Variants in PRMT3 observed in about 807,000 individuals in gnomAD.
PRMT3 encodes the protein protein arginine N-methyltransferase 3.
PRMT3 carries 62 observed loss-of-function variants against 71.9 expected under a neutral mutation model. That is an observed-to-expected ratio of 0.86 (90% CI 0.70 to 1.07). The LOEUF is 1.07. Among genes scored for constraint, PRMT3 ranks in the 50% least tolerant of loss-of-function variants. The pLI is 0.00. For missense variants in PRMT3, 663 were observed against 643.0 expected (o/e 1.03, Z -0.34); for synonymous variants, 213 against 220.4 (o/e 0.97, Z 0.30).
intron 9 of PRMT3, 56 bp downstream of exon 9, chr11:20,408,088 A>G (rs1849113184): frequency 7.7e-7 from 1 of 1,306,506 alleles, no homozygotes; most frequent in South Asian, 1.5e-5. Flanking sequence ...TGATTATTTA[A>G]TAGATTTTCT....
At chr11:20,451,118 A>C (rs1850138948) in intron 10 of PRMT3, among the ~76,000 whole-genome samples, 1 of 152,172 alleles carries the variant, frequency 6.6e-6, no homozygotes, top group Non-Finnish European at 1.5e-5. Context: ...GAAGCACAGT[A>C]TTGGAATGTA....
chr11:20,411,964 TTATC>T (rs1849202730), intron 9 of PRMT3, among the ~76,000 whole-genome samples: 1 of 152,138 alleles, frequency 6.6e-6, no homozygotes, highest in Non-Finnish European at 1.5e-5. Flanking sequence ...TTTTTTCTAA[TTATC>T]TATAAAGCTC....
chr11:20,418,957 T>G (rs2133340478), intron 9 of PRMT3, among the ~76,000 whole-genome samples: 1 of 152,336 alleles, frequency 6.6e-6, no homozygotes, highest in Admixed American at 6.5e-5. Flanking sequence ...TCCACTGCTC[T>G]TTCTCAATCA....
chr11:20,489,097 G>A (rs1847926368), intron 13 of PRMT3, among the ~76,000 whole-genome samples: 2 of 152,120 alleles, frequency 1.3e-5, no homozygotes, highest in African/African-American at 2.4e-5. Flanking sequence ...AATTCACTAT[G>A]TATACGTAGT....
intron 10 of PRMT3, among the ~76,000 whole-genome samples, chr11:20,441,984 G>A (rs1402677426): frequency 6.6e-6 from 1 of 151,992 alleles, no homozygotes; most frequent in Non-Finnish European, 1.5e-5. Flanking sequence ...GTAGAGACGG[G>A]GTTTCGCCAT....
chr11:20,422,832 T>C (rs1849457236), intron 9 of PRMT3, among the ~76,000 whole-genome samples: 3 of 152,198 alleles, frequency 2.0e-5, no homozygotes, highest in African/African-American at 7.2e-5. Context: ...TTTTAAACTT[T>C]ATTAATAATT....
At chr11:20,496,065 A>G (rs144173866) in intron 15 of PRMT3, among the ~76,000 whole-genome samples, 12 of 152,276 alleles carry the variant, frequency 7.9e-5, no homozygotes, top group South Asian at 4.1e-4. Context: ...CAGCTAAGCA[A>G]TTTTTTCCTA....
chr11:20,465,371 A>T (rs545570630), intron 13 of PRMT3, among the ~76,000 whole-genome samples: 6 of 152,106 alleles, frequency 3.9e-5, no homozygotes, highest in African/African-American at 1.4e-4. Flanking sequence ...ATATTATTTT[A>T]AAAATATATG....
intron 11 of PRMT3, among the ~76,000 whole-genome samples, chr11:20,456,614 T>A (rs1850272357): frequency 6.6e-6 from 1 of 152,194 alleles, no homozygotes; most frequent in Non-Finnish European, 1.5e-5. Context: ...TGAGTCTTGG[T>A]CAGGTAAGGA....
In PRMT3 at chr11:20,450,361, A is replaced by G. The variant is rs953950882; in HGVS notation, c.994-1769A>G. 3.3e-5 allele frequency among the ~76,000 whole-genome samples: 5 copies of G among 152,186 alleles called. No homozygotes were observed. The East Asian group carries it at 9.6e-4, about 29-fold the overall frequency. ...GCATAAATTATAATTCACTATAAGCAACAGTTGAATGCCTATTTATAAGCA... is the reference window on the plus strand; with the variant it reads ...GCATAAATTATAATTCACTATAAGCGACAGTTGAATGCCTATTTATAAGCA... On this transcript the variant is annotated intron_variant, in intron 10 of 15. Transcript: ENST00000331079.
At chr11:20,484,737 C>T (rs981330742) in intron 13 of PRMT3, among the ~76,000 whole-genome samples, 1 of 151,970 alleles carries the variant, frequency 6.6e-6, no homozygotes, top group African/African-American at 2.4e-5. Flanking sequence ...AGGTAGGGGG[C>T]CTTAGGTAGG....
intron 13 of PRMT3, among the ~76,000 whole-genome samples, chr11:20,483,346 T>C (rs1255522903): frequency 1.3e-5 from 2 of 152,140 alleles, no homozygotes; most frequent in African/African-American, 4.8e-5. Context: ...GATAGTATCT[T>C]CTGTCATTTG....
chr11:20,463,472 C>G (rs190745717), intron 12 of PRMT3, among the ~76,000 whole-genome samples: 1 of 152,118 alleles, frequency 6.6e-6, no homozygotes, highest in East Asian at 1.9e-4. Flanking sequence ...TTGCTGATTT[C>G]TCTCTCTAGT....
At chr11:20,403,348 T>C (rs1848991032) in intron 8 of PRMT3, among the ~76,000 whole-genome samples, 1 of 152,216 alleles carries the variant, frequency 6.6e-6, no homozygotes, top group Non-Finnish European at 1.5e-5. Context: ...TACTTTTAAT[T>C]ATTACTCTAG....
At position 20,493,903 on chromosome 11, in the gene PRMT3, T is replaced by C; in HGVS notation, c.1348-16T>C. The C allele has an allele frequency of 4.6e-6, 7 of 1,535,816 alleles. No individual in the cohort carries two copies. Among genetic ancestry groups the C allele is most frequent in the Non-Finnish European group, 6.3e-6 (7 of 1,118,186 alleles). On this transcript the variant is annotated splice_polypyrimidine_tract_variant and intron_variant, in intron 13 of 15. Transcript: ENST00000331079. ...TTCATTTAGTAAGCATTTATATTTC[T>C]TTTTTTAAAAAACAGGCAATTGCTG... is the stretch of plus-strand genomic sequence containing the variant.
At chr11:20,426,915 T>C in intron 10 of PRMT3, 50 bp downstream of exon 10, 2 of 1,474,472 alleles carry the variant, frequency 1.4e-6, no homozygotes, top group Non-Finnish European at 1.8e-6. Context: ...GAAAAAACTT[T>C]TTTAAAGTAA....
intron 13 of PRMT3, among the ~76,000 whole-genome samples, chr11:20,465,253 T>C (rs1036752956): frequency 2.6e-5 from 4 of 152,092 alleles, no homozygotes; most frequent in African/African-American, 9.7e-5. Flanking sequence ...AAATAATTTA[T>C]AAATGTTTAT....
chr11:20,409,654 A>ACACACACAC (rs1555008187), intron 9 of PRMT3, among the ~76,000 whole-genome samples: 3 of 144,236 alleles, frequency 2.1e-5, no homozygotes, highest in Non-Finnish European at 4.5e-5. Flanking sequence ...GGAATACACA[A>ACACACACAC]ACACACACAC....
intron 10 of PRMT3, among the ~76,000 whole-genome samples, chr11:20,451,160 T>A (rs1489403297): frequency 2.0e-5 from 3 of 152,160 alleles, no homozygotes; most frequent in Non-Finnish European, 4.4e-5. Flanking sequence ...TGGCAAATTC[T>A]TTTTTCATTT....
Sources: allele counts gnomAD v4.1 joint callset (sites outside exome capture counted in the v4.1 genomes callset), GRCh38; gene constraint gnomAD v4.1.1; transcripts MANE v1.5; gene names NCBI Gene and HGNC (gene_info 2026-07-23, HGNC 2026-07-21).